The following SMIM7 variants were observed in gnomAD, a reference collection of about 807,000 sequenced individuals.
The protein encoded by SMIM7 is small integral membrane protein 7, also known as UPF0608 protein C19orf42.
SMIM7 carries 12 observed loss-of-function variants against 13.3 expected under a neutral mutation model. The ratio of observed to expected loss-of-function variants is 0.90; its 90% CI spans 0.58 to 1.46. The LOEUF (loss-of-function observed/expected upper bound fraction) is 1.46, where lower values mean the gene tolerates loss of function less well. Ranked by LOEUF, SMIM7 falls within the 40% of genes most tolerant of loss-of-function variation. The pLI is 0.00. For synonymous variants in SMIM7, 36 were observed against 35.8 expected (o/e 1.01, Z -0.02); for missense variants, 114 against 94.8 (o/e 1.20, Z -0.84).
chr19:16,652,660 C>A, intron 4 of SMIM7: 1 of 1,378,118 alleles, frequency 7.3e-7, no homozygotes, highest in Non-Finnish European at 9.4e-7. Context: ...GGGTGAAATG[C>A]CATCCTCCCC....
chr19:16,644,118 GTTTTTTTTTTT>G (rs557600997), downstream of SMIM7, among the ~76,000 whole-genome samples: 5 of 85,430 alleles, frequency 5.9e-5, no homozygotes, highest in South Asian at 4.0e-4. Context: ...AATTGTTTGC[GTTTTTTTTTTT>G]TTTTTTTTTT....
chr19:16,649,598 G>C (rs1350448472), intron 4 of SMIM7, among the ~76,000 whole-genome samples: 2 of 152,066 alleles, frequency 1.3e-5, no homozygotes, highest in South Asian at 2.1e-4. Context: ...TATAAACGTA[G>C]TGTGATCATA....
chr19:16,644,426 C>T (rs989473279), downstream of SMIM7, among the ~76,000 whole-genome samples: 7 of 148,682 alleles, frequency 4.7e-5, no homozygotes, highest in Middle Eastern at 3.6e-3. Context: ...TGCACTCAGT[C>T]TGTTTGTAAC....
intron 4 of SMIM7, among the ~76,000 whole-genome samples, chr19:16,648,187 G>T (rs962565861): frequency 6.6e-6 from 1 of 152,122 alleles, no homozygotes; most frequent in Non-Finnish European, 1.5e-5. Context: ...GTTGCTCAGG[G>T]TGGAGTGCCG....
chr19:16,633,003 G>T (rs1277670614), intron 4 of SMIM7, among the ~76,000 whole-genome samples: 1 of 152,218 alleles, frequency 6.6e-6, no homozygotes, highest in African/African-American at 2.4e-5. Flanking sequence ...TGGAAGCAAT[G>T]TAAGTGCCTA....
At chr19:16,639,458 G>A (rs553791132) in intron 4 of SMIM7, among the ~76,000 whole-genome samples, 2 of 152,280 alleles carry the variant, frequency 1.3e-5, no homozygotes, top group Non-Finnish European at 2.9e-5. Context: ...CTAGTCCAGA[G>A]ATCAGTAAAC....
At chr19:16,642,290 G>A (rs1370152512), downstream of SMIM7, among the ~76,000 whole-genome samples, 2 of 152,230 alleles carry the variant, frequency 1.3e-5, no homozygotes, top group African/African-American at 4.8e-5. Flanking sequence ...GAGCACGGTG[G>A]CTCATGCCTG....
chr19:16,640,764 C>T (rs572219461), downstream of SMIM7: 1 of 152,296 alleles, frequency 6.6e-6, no homozygotes, highest in South Asian at 2.1e-4. Context: ...GAAACCCCAT[C>T]TCTACTAAAA....
chr19:16,645,571 T>G (rs1260677903), downstream of SMIM7: 1 of 152,194 alleles, frequency 6.6e-6, no homozygotes, highest in East Asian at 1.9e-4. Context: ...AAAGTGGACT[T>G]GACCCTGGTC....
chr19:16,636,429 G>A (rs2086361846), intron 4 of SMIM7: 1 of 152,094 alleles, frequency 6.6e-6, no homozygotes, highest in Non-Finnish European at 1.5e-5. Context: ...GAGTACAGTG[G>A]TATGACCTCG....
chr19:16,643,100 C>A (rs151266279), downstream of SMIM7, among the ~76,000 whole-genome samples: 2,482 of 152,074 alleles, frequency 0.016, 31 homozygotes, highest in Non-Finnish European at 0.027. Flanking sequence ...CCGCACCTGG[C>A]CAAGTGAGAC....
intron 4 of SMIM7, chr19:16,636,607 C>T (rs1024512547): frequency 6.6e-6 from 1 of 152,136 alleles, no homozygotes; most frequent in Non-Finnish European, 1.5e-5. Context: ...TTTGACACCA[C>T]GAAGTTTGTG....
downstream of SMIM7, among the ~76,000 whole-genome samples, chr19:16,642,846 C>T (rs1475632886): frequency 7.4e-6 from 1 of 135,740 alleles, no homozygotes; most frequent in African/African-American, 2.8e-5. Context: ...TTTTTTGAGA[C>T]AGAGTCTCAC....
At chr19:16,639,120 ATTTT>A (rs1286703534) in intron 4 of SMIM7, among the ~76,000 whole-genome samples, 1 of 133,468 alleles carries the variant, frequency 7.5e-6, no homozygotes. Context: ...GTAAGATGTC[ATTTT>A]TTTTTTTTTT....
At chr19:16,637,932 TTAAA>T (rs1248187490) in intron 4 of SMIM7, among the ~76,000 whole-genome samples, 1 of 151,804 alleles carries the variant, frequency 6.6e-6, no homozygotes, top group Non-Finnish European at 1.5e-5. Context: ...GTAATTAAGG[TTAAA>T]TAAGGTCATA....
At chr19:16,631,693 A>G (rs563872449) in exon 5 of SMIM7, 1 of 152,362 alleles carries the variant, frequency 6.6e-6, no homozygotes, top group African/African-American at 2.4e-5. Flanking sequence ...AACAGCAGGA[A>G]TGCGCTCATC....
intron 2 of SMIM7, 75 bp downstream of exon 2, chr19:16,659,884 C>T (rs561514818): frequency 1.0e-5 from 16 of 1,532,882 alleles, no homozygotes; most frequent in Non-Finnish European, 1.4e-5. Flanking sequence ...CTGAGAAGTG[C>T]GCCGAGATCA....
chr19:16,659,691 G>A, intron 2 of SMIM7: 1 of 647,166 alleles, frequency 1.5e-6, no homozygotes, highest in Non-Finnish European at 2.7e-6. Flanking sequence ...CGGAAGGTCC[G>A]CGGTGGGGCT....
At chr19:16,656,678 C>T (rs1306523284) in intron 3 of SMIM7, among the ~76,000 whole-genome samples, 1 of 152,048 alleles carries the variant, frequency 6.6e-6, no homozygotes, top group African/African-American at 2.4e-5. Flanking sequence ...GAGGGCAGAT[C>T]ACCTGATGTC....
Sources: allele counts gnomAD v4.1 joint callset (sites outside exome capture counted in the v4.1 genomes callset), GRCh38; gene constraint gnomAD v4.1.1; transcripts MANE v1.5; gene names NCBI Gene and HGNC (gene_info 2026-07-23, HGNC 2026-07-21).